Variants in GMDS observed in about 807,000 individuals in gnomAD.
The protein encoded by GMDS is GDP-mannose 4,6 dehydratase.
A neutral mutation model predicts 49.9 loss-of-function variants in GMDS; 20 were observed. The ratio of observed to expected loss-of-function variants is 0.40; its 90% confidence interval spans 0.28 to 0.58. The LOEUF (loss-of-function observed/expected upper bound fraction) is 0.58. GMDS is among the 20% of genes least tolerant of loss of function. The pLI, the probability that GMDS is intolerant of heterozygous loss-of-function variation, is 0.42. For synonymous variants in GMDS, 177 were observed against 178.6 expected, an observed-to-expected ratio of 0.99 and a Z score of 0.07; for missense variants, 362 against 481.4, an observed-to-expected ratio of 0.75 and a Z score of 2.32.
chr6:1,966,207 G>C (rs1018618832), intron 4 of GMDS, among the ~76,000 whole-genome samples: 1 of 152,022 alleles, frequency 6.6e-6, no homozygotes, highest in Non-Finnish European at 1.5e-5. Flanking sequence ...TTTTGGTTGT[G>C]GTTGGTTTCT....
chr6:1,876,183 G>A (rs1040779350), intron 7 of GMDS, among the ~76,000 whole-genome samples: 8 of 149,216 alleles, frequency 5.4e-5, no homozygotes, highest in South Asian at 2.1e-4. Context: ...GCTTGAACCC[G>A]GCAGGCAGAG....
intron 1 of GMDS, among the ~76,000 whole-genome samples, chr6:2,201,544 G>A (rs1324240735): frequency 4.0e-5 from 5 of 124,682 alleles, no homozygotes; most frequent in South Asian, 3.3e-4. Context: ...ATGGGCATCC[G>A]AGATGAAACC....
At chr6:1,886,850 TCTCA>T (rs752453962) in intron 7 of GMDS, among the ~76,000 whole-genome samples, 6 of 152,326 alleles carry the variant, frequency 3.9e-5, no homozygotes, top group Non-Finnish European at 8.8e-5. Flanking sequence ...ATTGGTTAGC[TCTCA>T]CTAACAATTG....
intron 9 of GMDS, chr6:1,625,199 G>A (rs1239828602): frequency 1.3e-5 from 2 of 152,172 alleles, no homozygotes; most frequent in Non-Finnish European, 2.9e-5. Context: ...TGGGCTTTTC[G>A]TACCCACAGT....
chr6:1,973,630 A>C (rs1764736059), intron 4 of GMDS, among the ~76,000 whole-genome samples: 1 of 152,224 alleles, frequency 6.6e-6, no homozygotes, highest in Admixed American at 6.5e-5. Flanking sequence ...AAACACAGTA[A>C]ACAACATACA....
intron 4 of GMDS, among the ~76,000 whole-genome samples, chr6:2,042,512 CG>C (rs776686852): frequency 2.0e-5 from 3 of 152,024 alleles, no homozygotes; most frequent in Admixed American, 6.6e-5. Context: ...AAGCTTACAG[CG>C]AAAGAATTAC....
chr6:2,201,783 C>T (rs568138496), intron 1 of GMDS, among the ~76,000 whole-genome samples: 5 of 130,108 alleles, frequency 3.8e-5, no homozygotes, highest in African/African-American at 8.6e-5. Flanking sequence ...CATGGGCATC[C>T]GAGATGTAAC....
chr6:2,169,308 C>A (rs899365985), intron 1 of GMDS, among the ~76,000 whole-genome samples: 1 of 152,082 alleles, frequency 6.6e-6, no homozygotes, highest in Non-Finnish European at 1.5e-5. Flanking sequence ...GAAAGAGTTC[C>A]TTCAACAACA....
rs560943953 is a variant in GMDS at position 1,676,142 on chromosome 6, A to G, written c.987+50274T>C. On this transcript the variant is annotated intron_variant, in intron 9 of 10. Coordinates refer to ENST00000380815, the MANE Select transcript of GMDS (RefSeq NM_001500.4). The stretch of plus-strand genomic sequence containing the variant: ...AAGCATTCTTATACACCAATAACAG[A>G]CAAACAGAGAGCCAAATCATGAGTG... Among the ~76,000 whole-genome samples, 3 of 152,024 alleles carry G rather than the reference A, an allele frequency of 2.0e-5. No individual in the cohort carries two copies. The East Asian group carries it at 5.8e-4, about 29-fold the overall frequency.
At chr6:1,983,909 A>C (rs1303682613) in intron 4 of GMDS, among the ~76,000 whole-genome samples, 1 of 152,240 alleles carries the variant, frequency 6.6e-6, no homozygotes, top group Non-Finnish European at 1.5e-5. Flanking sequence ...TATTATGAAG[A>C]TACATGCATG....
rs930364201 is a variant in GMDS at position 1,640,828 on chromosome 6, G to A, written c.988-16288C>T. 8.5e-5 allele frequency among the ~76,000 whole-genome samples: 13 copies of A among 152,112 alleles called. No homozygotes were observed. Among genetic ancestry groups the A allele is most frequent in the African/African-American group, 2.4e-4 (10 of 41,408 alleles). On this transcript the variant is annotated intron_variant, in intron 9 of 10. Transcript: ENST00000380815. The surrounding 1 kb of genome is among the most constrained non-coding windows in gnomAD (Gnocchi z 4.0). ...AAAATTGGGTAATGGGGGGGGTCAC[G>A]AATGCCAACACGGTACTGTTTAGGC...
At chr6:1,875,317 TACAC>T (rs56053544) in intron 7 of GMDS, among the ~76,000 whole-genome samples, 4,452 of 150,078 alleles carry the variant, frequency 0.03, 160 homozygotes, top group African/African-American at 0.085. Flanking sequence ...TTTTTGTATT[TACAC>T]ACACACACAC....
rs544165531 is a variant in GMDS, at chr6:1,932,841, A to C, written c.644-2611T>G. Among the ~76,000 whole-genome samples, 71 of 152,326 alleles carry C rather than the reference A, an allele frequency of 4.7e-4. 1 individual carries two copies. Among genetic ancestry groups the C allele is most frequent in the Admixed American group, 2.2e-3 (34 of 15,298 alleles). ...GCATGAGCCACCGCGCCCGCTCAAA[A>C]TGTAATTTTAACTATTATTTAGAAC... On this transcript the variant is annotated intron_variant, in intron 6 of 10. Transcript: ENST00000380815.
At position 2,131,077 on chromosome 6, in the gene GMDS, T is replaced by C. The variant is rs980612603; in HGVS notation, c.103-6346A>G. On this transcript the variant is annotated intron_variant, in intron 1 of 10. Coordinates refer to ENST00000380815, the MANE Select transcript of GMDS (RefSeq NM_001500.4). ...ATAAAAGCCACTCAAAAACTGATAT[T>C]TTGAAGCAGGCTAGCAAATCTTCAG... 2.6e-5 allele frequency among the ~76,000 whole-genome samples: 4 copies of C among 152,322 alleles called. No individual in the cohort carries two copies. In the South Asian group the frequency reaches 8.3e-4, roughly 32 times the overall value.
intron 9 of GMDS, among the ~76,000 whole-genome samples, chr6:1,689,480 A>G (rs1765096515): frequency 2.6e-5 from 4 of 152,250 alleles, no homozygotes; most frequent in Admixed American, 1.3e-4. Flanking sequence ...GAACTGAAAT[A>G]GAGATATAAT....
chr6:2,094,510 C>T (rs747298798), intron 4 of GMDS, among the ~76,000 whole-genome samples: 1 of 152,202 alleles, frequency 6.6e-6, no homozygotes, highest in Non-Finnish European at 1.5e-5. Flanking sequence ...AGAAGACGGT[C>T]GTGCCATGTA....
At chr6:1,628,754 A>G (rs1298470935) in intron 9 of GMDS, among the ~76,000 whole-genome samples, 4 of 152,242 alleles carry the variant, frequency 2.6e-5, no homozygotes, top group African/African-American at 9.6e-5. Context: ...GAGAAGATGT[A>G]TGGACAGGGA....
intron 4 of GMDS, among the ~76,000 whole-genome samples, chr6:2,028,295 T>A (rs926973541): frequency 4.5e-4 from 68 of 152,330 alleles, no homozygotes; most frequent in East Asian, 3.9e-4. Context: ...GTTAAATATG[T>A]TTTAAGTTTC....
rs1335520327 is a variant in GMDS, at chr6:2,245,493, C to G, written c.-71G>C. ...AGGGCAGGCGCGGTGCCGGCAGGAA[C>G]GCGGGGGTGTGCAGCACGAAGCGCC... is the stretch of plus-strand genomic sequence containing the variant. On this transcript the variant is annotated 5_prime_UTR_variant, in exon 1 of 11. Coordinates refer to ENST00000380815, the MANE Select transcript of GMDS (RefSeq NM_001500.4). The G allele has an allele frequency of 2.4e-6, 2 of 839,846 alleles. No homozygotes were observed. The highest frequency in any genetic ancestry group is 3.3e-6 in the Non-Finnish European group (2 of 601,650). 52.0% of individuals were successfully genotyped at this position (839,846 alleles called of 1,614,324 possible).
Sources: gnomAD v4.1 joint callset for allele counts (sites outside exome capture counted in the v4.1 genomes callset) on GRCh38, gnomAD v4.1.1 for gene constraint, Gnocchi (gnomAD v3.1) non-coding constraint, MANE v1.5 for transcripts, NCBI Gene and HGNC (gene_info 2026-07-23, HGNC 2026-07-21) for gene names.